CDO1: variants seen among roughly 807,000 people sequenced by gnomAD.
CDO1 encodes the protein cysteine dioxygenase, type I.
CDO1 carries 19 observed loss-of-function variants against 24.5 expected under a neutral mutation model. That is an observed-to-expected ratio of 0.77 (90% confidence interval 0.54 to 1.14). The LOEUF (loss-of-function observed/expected upper bound fraction) is 1.14. Among genes scored for constraint, CDO1 ranks in the 50% most tolerant of loss-of-function variants. The pLI is 0.00. For synonymous variants in CDO1, 91 were observed against 87.0 expected (o/e 1.05, Z -0.26); for missense variants, 244 against 244.8 (o/e 1.00, Z 0.02).
rs906279519 is a variant in CDO1 at position 115,805,429 on chromosome 5, C to T, written c.*4G>A. 4.3e-6 allele frequency: 7 copies of T among 1,613,534 alleles called. No individual in the cohort carries two copies. Among genetic ancestry groups the T allele is most frequent in the Non-Finnish European group, 5.9e-6 (7 of 1,179,668 alleles). ...AAGTAAAACCTCAGAGGGTTTGGTG[C>T]CCCTTAGTTGTTCTCCAGCGAGCCC... On this transcript the variant is annotated 3_prime_UTR_variant, in exon 5 of 5. Coordinates refer to ENST00000250535, the MANE Select transcript of CDO1 (RefSeq NM_001801.3).
At chr5:115,808,122 G>A (rs1006433679) in intron 3 of CDO1, among the ~76,000 whole-genome samples, 5 of 152,120 alleles carry the variant, frequency 3.3e-5, no homozygotes, top group African/African-American at 1.2e-4. Flanking sequence ...GGGACTACAG[G>A]CACCTGCCAC....
At chr5:115,809,034 C>T (rs531234884) in intron 3 of CDO1, among the ~76,000 whole-genome samples, 150 of 152,248 alleles carry the variant, frequency 9.9e-4, no homozygotes, top group South Asian at 3.5e-3. Flanking sequence ...AAAACTGGTG[C>T]CTAATTCTCA....
chr5:115,816,287 C>T lies in CDO1; in HGVS notation c.111G>A (p.Met37Ile), dbSNP rs577811621. Reference protein sequence around the residue: ...EVNVEEVQAIMEAYESDPTEW... With the variant: ...EVNVEEVQAIIEAYESDPTEW... ...CGGTGGGGTCGCTCTCGTAGGCTTC[C>T]ATGATGGCCTGCACCTCCTCTACAT... Residue 37 changes from methionine to isoleucine, a missense_variant, in exon 1 of 5, where the codon ATG becomes ATA. By Grantham distance (10) the Met-to-Ile change is conservative (BLOSUM62 1). Transcript: ENST00000250535. The T allele has an allele frequency of 3.1e-6, 5 of 1,614,210 alleles. No homozygotes were observed. In the East Asian group the frequency reaches 6.7e-5, roughly 22 times the overall value.
intron 1 of CDO1, among the ~76,000 whole-genome samples, chr5:115,815,150 G>T (rs1760372451): frequency 6.6e-6 from 1 of 152,122 alleles, no homozygotes; most frequent in African/African-American, 2.4e-5. Context: ...AAAAGAACCT[G>T]CTCCCAAGAA....
At chr5:115,813,047 C>CAA (rs1011228490) in intron 2 of CDO1, 134 bp downstream of exon 2, 2,431 of 152,334 alleles carry the variant, frequency 0.016, 58 homozygotes, top group African/African-American at 0.03. Flanking sequence ...ACCACTGTCT[C>CAA]AAAAAAAAAA....
intron 2 of CDO1, 23 bp downstream of exon 2, chr5:115,813,158 C>G: frequency 7.5e-7 from 1 of 1,333,010 alleles, no homozygotes; most frequent in Non-Finnish European, 1.1e-6. Context: ...TAATAAATAT[C>G]TGTGAATGAA....
chr5:115,813,368 C>A, intron 1 of CDO1, 110 bp from the exon 2 acceptor site: 1 of 607,724 alleles, frequency 1.6e-6, no homozygotes, highest in Non-Finnish European at 3.0e-6. Flanking sequence ...AACATTTCCA[C>A]CTCTAAGCAA....
At chr5:115,806,545 AG>A in intron 3 of CDO1, 27 bp from the exon 4 acceptor site, 2 of 1,575,726 alleles carry the variant, frequency 1.3e-6, no homozygotes, top group Non-Finnish European at 1.7e-6. Context: ...AAGGAAAAAT[AG>A]ATAAAGGAGC....
At chr5:115,806,131 A>T (rs1223515139) in intron 4 of CDO1, among the ~76,000 whole-genome samples, 1 of 152,248 alleles carries the variant, frequency 6.6e-6, no homozygotes, top group African/African-American at 2.4e-5. Flanking sequence ...CATTTTCTTT[A>T]AAAACAAGCA....
intron 1 of CDO1, 31 bp from the exon 2 acceptor site, chr5:115,813,289 A>T (rs1760278489): frequency 2.4e-6 from 3 of 1,226,628 alleles, no homozygotes; most frequent in Non-Finnish European, 3.6e-6. Flanking sequence ...CAGAAGTTTT[A>T]AGTTCGTTGC....
At chr5:115,805,738 T>G (rs1052580373) in intron 4 of CDO1, among the ~76,000 whole-genome samples, 1 of 152,248 alleles carries the variant, frequency 6.6e-6, no homozygotes, top group African/African-American at 2.4e-5. Flanking sequence ...TTTTCACACA[T>G]TGTCTATTTC....
chr5:115,806,864 C>T (rs542614558), intron 3 of CDO1, among the ~76,000 whole-genome samples: 1 of 152,220 alleles, frequency 6.6e-6, no homozygotes, highest in East Asian at 1.9e-4. Context: ...ATGGAGAAAA[C>T]CAAGAAATAA....
chr5:115,810,527 C>T (rs893085036), intron 3 of CDO1, among the ~76,000 whole-genome samples: 20 of 152,102 alleles, frequency 1.3e-4, no homozygotes, highest in African/African-American at 4.1e-4. Flanking sequence ...CAACCTCCTA[C>T]GTAAAAGGGA....
intron 1 of CDO1, among the ~76,000 whole-genome samples, chr5:115,815,759 C>T (rs562372589): frequency 8.7e-4 from 133 of 152,312 alleles, no homozygotes; most frequent in African/African-American, 3.0e-3. Context: ...CCCCTGGGAG[C>T]ACCCTCTGCT....
intron 3 of CDO1, 117 bp from the exon 4 acceptor site, chr5:115,806,635 T>A: frequency 1.4e-6 from 1 of 730,828 alleles, no homozygotes; most frequent in Non-Finnish European, 2.2e-6. Context: ...GAATAGATAT[T>A]AATTAGAATT....
chr5:115,815,505 G>GA (rs1760391825), intron 1 of CDO1, among the ~76,000 whole-genome samples: 1 of 152,152 alleles, frequency 6.6e-6, no homozygotes, highest in South Asian at 2.1e-4. Flanking sequence ...TTTAATCTGC[G>GA]AAACTTGGCA....
intron 2 of CDO1, 45 bp from the exon 3 acceptor site, chr5:115,811,360 T>G: frequency 2.1e-6 from 3 of 1,425,766 alleles, no homozygotes; most frequent in Non-Finnish European, 2.9e-6. Context: ...GATGGTCTAG[T>G]ATCCAGACCT....
At chr5:115,815,979 C>A (rs1034660296) in intron 1 of CDO1, among the ~76,000 whole-genome samples, 27 of 152,238 alleles carry the variant, frequency 1.8e-4, no homozygotes, top group Non-Finnish European at 3.8e-4. Flanking sequence ...CCTCCCTTCC[C>A]GGCGCCTGTC....
rs567707027 is a variant in CDO1 at position 115,809,931 on chromosome 5, C to G, written c.403+1230G>C. ...TACTCCAGTTCATACCAGGCCTCACCACAGCTTTATCCCTGATGTATACCA... is the reference window on the plus strand; with the variant it reads ...TACTCCAGTTCATACCAGGCCTCACGACAGCTTTATCCCTGATGTATACCA... On this transcript the variant is annotated intron_variant, in intron 3 of 4. Transcript: ENST00000250535. 5.3e-5 allele frequency among the ~76,000 whole-genome samples: 8 copies of G among 152,250 alleles called. No individual in the cohort carries two copies. In the South Asian group the frequency reaches 6.2e-4, roughly 12 times the overall value.
Sources: allele counts gnomAD v4.1 joint callset (sites outside exome capture counted in the v4.1 genomes callset), GRCh38; gene constraint gnomAD v4.1.1; transcripts MANE v1.5; gene names NCBI Gene and HGNC (gene_info 2026-07-23, HGNC 2026-07-21).